SLC4A7: variants seen among roughly 807,000 people sequenced by gnomAD.
SLC4A7 encodes solute carrier family 4 member 7.
SLC4A7 carries 51 observed loss-of-function variants against 137.6 expected under a neutral mutation model. The observed-to-expected ratio is 0.37, with a 90% confidence interval of 0.30 to 0.47. The LOEUF (loss-of-function observed/expected upper bound fraction) is 0.47. SLC4A7 is among the 20% of genes least tolerant of loss of function. The pLI, the probability that SLC4A7 is intolerant of heterozygous loss-of-function variation, is 1.00. For missense variants in SLC4A7, 1,247 were observed against 1,525.4 expected (o/e 0.82, Z 3.04); for synonymous variants, 542 against 518.6 (o/e 1.05, Z -0.61).
intron 3 of SLC4A7, among the ~76,000 whole-genome samples, chr3:27,446,865 GTTT>G (rs1172280618): frequency 2.5e-5 from 2 of 80,248 alleles, no homozygotes; most frequent in African/African-American, 4.6e-5. Flanking sequence ...TCTTAGTAGA[GTTT>G]TTTTTTGTTT....
At chr3:27,402,044 G>A (rs781321987) in intron 15 of SLC4A7, among the ~76,000 whole-genome samples, 1 of 152,166 alleles carries the variant, frequency 6.6e-6, no homozygotes, top group African/African-American at 2.4e-5. Flanking sequence ...AGCGGGGGAA[G>A]AACGAATGAA....
At position 27,389,922 on chromosome 3, in the gene SLC4A7, A is replaced by C; in HGVS notation, c.3360+9T>G. On this transcript the variant is annotated intron_variant, in intron 22 of 25. Coordinates refer to ENST00000454389, the MANE Select transcript of SLC4A7 (RefSeq NM_001321103.2). Reference sequence around the variant, plus strand: ...AATTAGTGACAAAATAAGTCTGAAGAAATCTTACCATCATGGGAAAAACCA... The same window carrying C: ...AATTAGTGACAAAATAAGTCTGAAGCAATCTTACCATCATGGGAAAAACCA... 6.2e-7 allele frequency: 1 copy of C among 1,607,960 alleles called. No individual in the cohort carries two copies. The highest frequency in any genetic ancestry group is 8.5e-7 in the Non-Finnish European group (1 of 1,175,352).
chr3:27,418,587 A>G lies in SLC4A7; in HGVS notation c.1558T>C (p.Leu520=). 2 of 1,598,934 alleles carry G rather than the reference A, an allele frequency of 1.3e-6. No homozygotes were observed. The highest frequency in any genetic ancestry group is 1.7e-6 in the Non-Finnish European group (2 of 1,166,696). ...TCTAAAAATTCATCAATTCCAGATA[A>G]GAGGTCATTTCTGTCTTTTGCTTTA... ...AYKAKDRNDL[L]SGIDEFLDQV... The change falls in exon 11 of 26, where the codon TTA becomes CTA. Residue 520 remains leucine (L), a synonymous_variant. Coordinates refer to ENST00000454389, the MANE Select transcript of SLC4A7 (RefSeq NM_001321103.2).
In SLC4A7 at chr3:27,395,133, A is replaced by G; in HGVS notation, c.2704-18T>C. 3 of 1,547,668 alleles carry G rather than the reference A, an allele frequency of 1.9e-6. No individual in the cohort carries two copies. Among genetic ancestry groups the G allele is most frequent in the Non-Finnish European group, 2.6e-6 (3 of 1,152,668 alleles). On this transcript the variant is annotated intron_variant, in intron 18 of 25. Transcript: ENST00000454389. ...TGAGTAGGCTGTTAAAAAATTAAAT[A>G]TAATTTTCAAAAAGTCTCCTTGCTG...
At chr3:27,467,781 A>G (rs1194166267) in intron 1 of SLC4A7, among the ~76,000 whole-genome samples, 1 of 152,210 alleles carries the variant, frequency 6.6e-6, no homozygotes, top group Non-Finnish European at 1.5e-5. Flanking sequence ...GATTAGAACC[A>G]TGGAATTTTT....
At position 27,449,068 on chromosome 3, in the gene SLC4A7, G is replaced by C. The variant is rs1301001368; in HGVS notation, c.143-271C>G. 2.0e-5 allele frequency among the ~76,000 whole-genome samples: 3 copies of C among 150,868 alleles called. No homozygotes were observed. In the East Asian group the frequency reaches 5.8e-4, roughly 29 times the overall value. On this transcript the variant is annotated intron_variant, in intron 2 of 25. Coordinates refer to ENST00000454389, the MANE Select transcript of SLC4A7 (RefSeq NM_001321103.2). ...ATATCTTTTTTTTTGTTTTGTTTTT[G>C]TTTTTGTATTTTTAGTAGAGATGGG...
In SLC4A7 at chr3:27,394,529, A is replaced by T; in HGVS notation, c.3106T>A (p.Ser1036Thr). The T allele has an allele frequency of 1.2e-6, 2 of 1,613,724 alleles. No homozygotes were observed. The highest frequency in any genetic ancestry group is 1.7e-6 in the Non-Finnish European group (2 of 1,179,712). Residue 1036 changes from serine to threonine, a missense_variant, in exon 20 of 26, where the codon TCA becomes ACA. Around this residue, in one of 6 missense-constraint regions of SLC4A7, gnomAD observed 290 missense variants for 323.8 expected, o/e 0.90. Transcript: ENST00000454389. ...TAAAGAAATTTTACCTTTAGGACTGAAGTCATGAACACAGAGAGGCCCATT... is the reference window on the plus strand; with the variant it reads ...TAAAGAAATTTTACCTTTAGGACTGTAGTCATGAACACAGAGAGGCCCATT... ...ILMGLSVFMT[S>T]VLKFIPMPVL...
chr3:27,386,070 T>G, intron 22 of SLC4A7, 47 bp from the exon 23 acceptor site: 1 of 1,435,154 alleles, frequency 7.0e-7, no homozygotes, highest in Non-Finnish European at 9.5e-7. Flanking sequence ...TAATACAAAC[T>G]GTATCACTTA....
At chr3:27,401,596 C>T (rs1442180130) in intron 15 of SLC4A7, among the ~76,000 whole-genome samples, 3 of 152,108 alleles carry the variant, frequency 2.0e-5, no homozygotes, top group African/African-American at 7.2e-5. Flanking sequence ...TGACTGACCT[C>T]CAAGTTTTAA....
intron 13 of SLC4A7, among the ~76,000 whole-genome samples, chr3:27,408,506 G>A (rs572242469): frequency 4.1e-4 from 63 of 152,234 alleles, no homozygotes; most frequent in African/African-American, 1.5e-3. Context: ...TTCATGTTTA[G>A]ATCATGAAAT....
intron 21 of SLC4A7, among the ~76,000 whole-genome samples, chr3:27,391,416 T>C (rs1316439210): frequency 6.6e-6 from 1 of 152,236 alleles, no homozygotes; most frequent in Non-Finnish European, 1.5e-5. Context: ...AATATCTACC[T>C]TTTTAAGTAC....
chr3:27,377,174 T>C (rs1417065835), intron 25 of SLC4A7, among the ~76,000 whole-genome samples: 1 of 152,116 alleles, frequency 6.6e-6, no homozygotes, highest in Admixed American at 6.5e-5. Flanking sequence ...AGTTATAGCA[T>C]GAGACTTTTA....
chr3:27,405,602 C>T (rs927480504), intron 13 of SLC4A7, among the ~76,000 whole-genome samples: 4 of 151,974 alleles, frequency 2.6e-5, no homozygotes, highest in African/African-American at 9.7e-5. Flanking sequence ...AAAAGAACTG[C>T]TATAAAAAGA....
At chr3:27,393,168 G>A (rs893722248) in intron 20 of SLC4A7, among the ~76,000 whole-genome samples, 9 of 152,066 alleles carry the variant, frequency 5.9e-5, no homozygotes, top group African/African-American at 1.9e-4. Context: ...AGACTAAGCA[G>A]GGTAAATGAA....
intron 9 of SLC4A7, 120 bp from the exon 10 acceptor site, chr3:27,420,907 A>G: frequency 1.7e-6 from 1 of 581,352 alleles, no homozygotes; most frequent in Non-Finnish European, 2.9e-6. Flanking sequence ...CATCTTTTCT[A>G]CTCCCCCACA....
Position 27,373,758 on chromosome 3 carries a change from C to T in SLC4A7, c.*3006G>A, listed in dbSNP as rs76095590. 1.1e-4 allele frequency: 17 copies of T among 152,578 alleles called. No homozygotes were observed. In the East Asian group the frequency reaches 2.3e-3, roughly 21 times the overall value. 9.5% of individuals were successfully genotyped at this position (152,578 alleles called of 1,614,324 possible). Reference sequence around the variant, plus strand: ...TATACCCACACAGAAAATTTAAGTACGTGGAAGAAATAAACTTTTTTGGAT... The same window carrying T: ...TATACCCACACAGAAAATTTAAGTATGTGGAAGAAATAAACTTTTTTGGAT... On this transcript the variant is annotated 3_prime_UTR_variant, in exon 26 of 26. Coordinates refer to ENST00000454389, the MANE Select transcript of SLC4A7 (RefSeq NM_001321103.2).
In SLC4A7 at chr3:27,390,094, C is replaced by T. The variant is rs1295540039; in HGVS notation, c.3197G>A (p.Arg1066His). The T allele has an allele frequency of 9.5e-6, 15 of 1,586,496 alleles. No individual in the cohort carries two copies. Among genetic ancestry groups the T allele is most frequent in the African/African-American group, 1.3e-5 (1 of 74,198 alleles). ...SSLKGIQLFDRIKLFGMPAKH... is the reference protein window; with the variant it reads ...SSLKGIQLFDHIKLFGMPAKH... ...AGCAGGCATTCCAAATAATTTTATACGGTCAAATAACTACATATAGAATAA... is the reference window on the plus strand; with the variant it reads ...AGCAGGCATTCCAAATAATTTTATATGGTCAAATAACTACATATAGAATAA... The change falls in exon 22 of 26, where the codon CGT becomes CAT. Residue 1066 changes from arginine (R) to histidine (H), a missense_variant. By Grantham distance (29) the Arg-to-His change is conservative (BLOSUM62 0). Around this residue, in one of 6 missense-constraint regions of SLC4A7, gnomAD observed 290 missense variants for 323.8 expected, o/e 0.90. Coordinates refer to ENST00000454389, the MANE Select transcript of SLC4A7 (RefSeq NM_001321103.2).
At chr3:27,422,480 A>G (rs368017011) in intron 8 of SLC4A7, among the ~76,000 whole-genome samples, 2 of 152,096 alleles carry the variant, frequency 1.3e-5, no homozygotes, top group South Asian at 2.1e-4. Flanking sequence ...TATATTGCCC[A>G]GGCTGGTCTT....
chr3:27,383,402 A>T, intron 23 of SLC4A7, 152 bp from the exon 24 acceptor site: 1 of 633,746 alleles, frequency 1.6e-6, no homozygotes. Flanking sequence ...ATGAACACAT[A>T]CTTGTAACAT....
Sources: allele counts gnomAD v4.1 joint callset (sites outside exome capture counted in the v4.1 genomes callset), GRCh38; gene constraint gnomAD v4.1.1; regional missense constraint gnomAD v4.1.1; transcripts MANE v1.5; gene names NCBI Gene and HGNC (gene_info 2026-07-23, HGNC 2026-07-21).